The following LAMA2 variants were observed in gnomAD, a reference collection of about 807,000 sequenced individuals.
LAMA2 encodes laminin subunit alpha-2.
Under a neutral mutation model 364.8 loss-of-function variants are expected in LAMA2, and 269 were observed. That is an observed-to-expected ratio of 0.74 (90% confidence interval 0.67 to 0.82). The LOEUF (loss-of-function observed/expected upper bound fraction) is 0.82, where lower values mean the gene tolerates loss of function less well. LAMA2 is among the 40% of genes least tolerant of loss of function. The probability of loss-of-function intolerance (pLI) is 0.00; values close to 1 mark genes in which losing one functional copy is unlikely to be tolerated. For synonymous variants in LAMA2, 1,379 were observed against 1,370.6 expected (o/e 1.01, Z -0.14); for missense variants, 3,807 against 3,873.2 (o/e 0.98, Z 0.45).
chr6:129,365,157 A>G (rs1365230913), intron 32 of LAMA2, among the ~76,000 whole-genome samples: 2 of 152,310 alleles, frequency 1.3e-5, no homozygotes, highest in South Asian at 4.1e-4. Flanking sequence ...TGGCTACTTA[A>G]AGAATATAGT....
At chr6:129,158,295 T>G (rs1779246123) in intron 8 of LAMA2, 2 of 1,614,152 alleles carry the variant, frequency 1.2e-6, no homozygotes, top group Non-Finnish European at 8.5e-7. Flanking sequence ...TTGGTAGATT[T>G]CTGTTTCTCG....
chr6:129,249,047 T>C (rs999603560), intron 12 of LAMA2, among the ~76,000 whole-genome samples: 2 of 152,200 alleles, frequency 1.3e-5, no homozygotes, highest in Non-Finnish European at 2.9e-5. Flanking sequence ...CAATTTAAAA[T>C]CCTGTTTAAT....
chr6:129,408,600 A>G (rs1008594325), intron 40 of LAMA2, among the ~76,000 whole-genome samples: 2 of 152,208 alleles, frequency 1.3e-5, no homozygotes, highest in African/African-American at 4.8e-5. Context: ...CTGCCTTTGC[A>G]TGATGGAAGA....
chr6:129,486,707 C>T, intron 56 of LAMA2, 85 bp downstream of exon 56: 1 of 1,261,662 alleles, frequency 7.9e-7, no homozygotes, highest in South Asian at 1.2e-5. Context: ...TCTGCCTGAA[C>T]CTCTGTGTGT....
At chr6:129,478,570 GCA>G (rs1367146344) in intron 53 of LAMA2, 121 bp from the exon 54 acceptor site, 2 of 998,420 alleles carry the variant, frequency 2.0e-6, no homozygotes, top group African/African-American at 3.2e-5. Flanking sequence ...GTACACGTGT[GCA>G]CAGTTTGATA....
intron 35 of LAMA2, among the ~76,000 whole-genome samples, chr6:129,387,517 A>G (rs1779081561): frequency 6.6e-6 from 1 of 152,224 alleles, no homozygotes; most frequent in African/African-American, 2.4e-5. Context: ...AGGATCCAGA[A>G]CCAGAAATAC....
At chr6:129,461,743 C>G (rs369307945) in intron 49 of LAMA2, among the ~76,000 whole-genome samples, 4 of 152,062 alleles carry the variant, frequency 2.6e-5, no homozygotes, top group African/African-American at 9.6e-5. Flanking sequence ...AAGTATTATG[C>G]TAATTTATGA....
At chr6:129,074,044 T>TA (rs1017622794) in intron 3 of LAMA2, among the ~76,000 whole-genome samples, 2 of 152,206 alleles carry the variant, frequency 1.3e-5, no homozygotes, top group Non-Finnish European at 2.9e-5. Flanking sequence ...GTAGCTTAGT[T>TA]AGAGATTCTG....
intron 43 of LAMA2, chr6:129,442,250 A>G (rs755909723): frequency 1.6e-5 from 21 of 1,301,982 alleles, no homozygotes; most frequent in Non-Finnish European, 2.1e-5. Context: ...GCTATGATAT[A>G]ATAGACATTA....
At chr6:129,296,712 G>T (rs1196808062) in intron 20 of LAMA2, among the ~76,000 whole-genome samples, 2 of 151,584 alleles carry the variant, frequency 1.3e-5, no homozygotes, top group African/African-American at 2.4e-5. Flanking sequence ...TCCAAAATAA[G>T]AATTATTTTT....
At chr6:129,062,990 G>C (rs1461699288) in intron 3 of LAMA2, among the ~76,000 whole-genome samples, 1 of 148,228 alleles carries the variant, frequency 6.7e-6, no homozygotes, top group East Asian at 2.0e-4. Flanking sequence ...GAAGAAAGTA[G>C]CTACTTATTT....
chr6:129,468,696 A>T (rs1187064039), intron 51 of LAMA2, among the ~76,000 whole-genome samples: 1 of 151,960 alleles, frequency 6.6e-6, no homozygotes, highest in African/African-American at 2.4e-5. Context: ...AAAGGAAAAG[A>T]AGAAAGGCTT....
intron 37 of LAMA2, among the ~76,000 whole-genome samples, chr6:129,398,121 G>A (rs1311420465): frequency 6.6e-6 from 1 of 152,116 alleles, no homozygotes; most frequent in South Asian, 2.1e-4. Context: ...CCTGTTTCCA[G>A]TGGCACAGCA....
intron 3 of LAMA2, among the ~76,000 whole-genome samples, chr6:129,097,157 T>C (rs1354205877): frequency 1.3e-5 from 2 of 152,218 alleles, no homozygotes; most frequent in Non-Finnish European, 2.9e-5. Flanking sequence ...CATTTACTAG[T>C]CAAGAACATA....
In LAMA2 at chr6:129,292,900, G is replaced by A. The variant is rs1789813230; in HGVS notation, c.2856+1180G>A. On this transcript the variant is annotated intron_variant, in intron 20 of 64. Coordinates refer to ENST00000421865, the MANE Select transcript of LAMA2 (RefSeq NM_000426.4). Reference sequence around the variant, plus strand: ...CCGCAATGTGATATTACAGGAAGATGTGTCTGTAAATCAGGCTTCGTAGGG... The same window carrying A: ...CCGCAATGTGATATTACAGGAAGATATGTCTGTAAATCAGGCTTCGTAGGG... 5 of 985,762 alleles carry A rather than the reference G, an allele frequency of 5.1e-6. No homozygotes were observed. In the South Asian group the frequency reaches 2.3e-4, roughly 46 times the overall value. The allele number at this position is 985,762 out of a possible 1,614,324, so 61.1% of individuals were successfully genotyped here.
chr6:129,328,204 C>T, intron 28 of LAMA2, 74 bp from the exon 29 acceptor site: 1 of 1,315,590 alleles, frequency 7.6e-7, no homozygotes, highest in Non-Finnish European at 1.1e-6. Flanking sequence ...GTCTTTGCAG[C>T]CACTGAAGAG....
intron 51 of LAMA2, among the ~76,000 whole-genome samples, chr6:129,466,102 G>A (rs976461740): frequency 5.3e-5 from 8 of 151,820 alleles, no homozygotes; most frequent in Non-Finnish European, 1.0e-4. Flanking sequence ...AATTTGTACC[G>A]TCTTTCATTT....
chr6:129,071,965 CAAACAAAACA>C (rs367979054), intron 3 of LAMA2, among the ~76,000 whole-genome samples: 7 of 151,982 alleles, frequency 4.6e-5, no homozygotes, highest in East Asian at 1.9e-4. Flanking sequence ...TCATCTCTAC[CAAACAAAACA>C]AAACAAAACA....
intron 1 of LAMA2, chr6:128,905,700 T>A (rs563517731): frequency 6.6e-6 from 1 of 151,982 alleles, no homozygotes; most frequent in Admixed American, 6.6e-5. Flanking sequence ...TAGTTACATA[T>A]GTATACATGT....
Sources: allele counts gnomAD v4.1 joint callset (sites outside exome capture counted in the v4.1 genomes callset), GRCh38; gene constraint gnomAD v4.1.1; transcripts MANE v1.5; gene names NCBI Gene and HGNC (gene_info 2026-07-23, HGNC 2026-07-21).